The following CACNA1S variants were observed in gnomAD, a reference collection of about 807,000 sequenced individuals.
CACNA1S encodes the protein voltage-dependent L-type calcium channel subunit alpha-1S.
In CACNA1S, 126 loss-of-function variants were observed where a neutral mutation model predicts 207.4. The observed-to-expected ratio is 0.61, with a 90% CI of 0.53 to 0.70. The LOEUF is 0.70. Ranked by LOEUF, CACNA1S falls within the 30% of genes least tolerant of loss-of-function variation. The probability of loss-of-function intolerance (pLI) is 0.00; values close to 1 mark genes in which losing one functional copy is unlikely to be tolerated. For synonymous variants in CACNA1S, 960 were observed against 932.7 expected (o/e 1.03, Z -0.53); for missense variants, 2,349 against 2,422.8 (o/e 0.97, Z 0.64).
Position 201,074,445 on chromosome 1 carries a change from G to T in CACNA1S, c.2063+61C>A, listed in dbSNP as rs1282153725. The T allele has an allele frequency of 4.8e-6, 5 of 1,033,422 alleles. No homozygotes were observed. In the East Asian group the frequency reaches 1.2e-4, roughly 25 times the overall value. The allele number at this position is 1,033,422 out of a possible 1,614,324, so 64.0% of individuals were successfully genotyped here. Reference sequence around the variant, plus strand: ...GGGTTACAGGGAGGCCCTGTCCAGAGCTGGAAGGCCATGGCCACGACTGAG... The same window carrying T: ...GGGTTACAGGGAGGCCCTGTCCAGATCTGGAAGGCCATGGCCACGACTGAG... On this transcript the variant is annotated intron_variant, in intron 14 of 43. Transcript: ENST00000362061.
intron 9 of CACNA1S, among the ~76,000 whole-genome samples, chr1:201,083,719 C>T (rs1271464803): frequency 6.6e-6 from 1 of 152,200 alleles, no homozygotes; most frequent in African/African-American, 2.4e-5. Context: ...TTTGACAGTA[C>T]AATCTTTTTG....
Position 201,070,215 on chromosome 1 carries a change from C to T in CACNA1S, c.2360+57G>A, listed in dbSNP as rs1661399290. ...GAGTCAGACAGGGTTTTTTCTAGGG[C>T]AGGGAAGCAGATGAGAGCCGCATCA... On this transcript the variant is annotated intron_variant, in intron 17 of 43. Coordinates refer to ENST00000362061, the MANE Select transcript of CACNA1S (RefSeq NM_000069.3). The T allele has an allele frequency of 6.9e-6, 11 of 1,598,318 alleles. No homozygotes were observed. In the South Asian group the frequency reaches 1.1e-4, roughly 16 times the overall value.
At chr1:201,075,723 C>T (rs1013441405) in intron 12 of CACNA1S, 108 bp from the exon 13 acceptor site, 8 of 1,260,130 alleles carry the variant, frequency 6.3e-6, no homozygotes, top group Non-Finnish European at 9.1e-6. Flanking sequence ...TCTCTCAGAC[C>T]TTCCCTCTTT....
intron 2 of CACNA1S, among the ~76,000 whole-genome samples, chr1:201,096,989 T>C (rs1455238307): frequency 6.6e-6 from 1 of 152,156 alleles, no homozygotes; most frequent in African/African-American, 2.4e-5. Flanking sequence ...ATAAACCTGC[T>C]CTTTTTCATG....
chr1:201,112,082 G>T, intron 1 of CACNA1S, 106 bp downstream of exon 1: 1 of 1,127,536 alleles, frequency 8.9e-7, no homozygotes, highest in Non-Finnish European at 1.3e-6. Context: ...ATGTCTAAGT[G>T]CCAGGCCTCC....
chr1:201,065,880 G>A lies in CACNA1S; in HGVS notation c.2811C>T (p.Leu937=). 1 of 1,614,164 alleles carries A rather than the reference G, an allele frequency of 6.2e-7. No individual in the cohort carries two copies. Among genetic ancestry groups the A allele is most frequent in the Non-Finnish European group, 8.5e-7 (1 of 1,179,984 alleles). The part of the protein sequence containing the change: ...TIGNIVLVTT[L]LQFMFACIGV... ...CGATGCAGGCAAACATGAACTGTAG[G>A]AGGGTAGTGACCAGCACGATGTTCC... The change falls in exon 22 of 44, where the codon CTC becomes CTT. Residue 937 remains leucine (L), a synonymous_variant. Coordinates refer to ENST00000362061, the MANE Select transcript of CACNA1S (RefSeq NM_000069.3).
rs1245795808 is a variant in CACNA1S at position 201,069,640 on chromosome 1, C to A, written c.2361-39G>T. 2.6e-6 allele frequency: 4 copies of A among 1,549,278 alleles called. No individual in the cohort carries two copies. The East Asian group carries it at 7.3e-5, about 28-fold the overall frequency. On this transcript the variant is annotated intron_variant, in intron 17 of 43. Transcript: ENST00000362061. ...GTAGGGAGGGCAGGGGAGCTGTGAG[C>A]TGCTGGAGGCTCAGGCCTCATCAGC...
At position 201,053,459 on chromosome 1, in the gene CACNA1S, C is replaced by A. The variant is rs201627041; in HGVS notation, c.3795G>T (p.Gln1265His). 3.4e-5 allele frequency: 55 copies of A among 1,614,018 alleles called. No homozygotes were observed. The highest frequency in any genetic ancestry group is 4.2e-5 in the Non-Finnish European group (50 of 1,180,030). ...TLLWTFIKSF[Q>H]ALPYVALLIV... ...GCAGTTTCCAGGGTCCCTGTTGCAC[C>A]TGGAAGGACTTGATGAACGTCCACA... The change falls in exon 30 of 44, where the codon CAG becomes CAT. Residue 1265 changes from glutamine to histidine, a missense_variant and splice_region_variant. Physicochemically the swap from Gln to His is conservative, Grantham distance 24. Coordinates refer to ENST00000362061, the MANE Select transcript of CACNA1S (RefSeq NM_000069.3). The surrounding 1 kb of genome is among the most constrained non-coding windows in gnomAD (Gnocchi z 5.1).
chr1:201,051,249 T>A, intron 32 of CACNA1S, 106 bp from the exon 33 acceptor site: 1 of 1,048,588 alleles, frequency 9.5e-7, no homozygotes, highest in Non-Finnish European at 1.5e-6. Context: ...AAACTGGGGC[T>A]GTTGTCCAAT....
At chr1:201,105,324 T>C (rs1662837721) in intron 2 of CACNA1S, among the ~76,000 whole-genome samples, 1 of 152,212 alleles carries the variant, frequency 6.6e-6, no homozygotes, top group African/African-American at 2.4e-5. Flanking sequence ...TCAAAGTTCC[T>C]TCTGTTGATA....
Position 201,091,498 on chromosome 1 carries a change from T to G in CACNA1S, c.694+142A>C, listed in dbSNP as rs1215504624. On this transcript the variant is annotated intron_variant, in intron 5 of 43. Transcript: ENST00000362061. ...AGCTGCCCTTCCTCCAAGTCCCCCT[T>G]ATCCAGGAGAAACCCATTCTCAAGG... The G allele has an allele frequency of 3.2e-6, 3 of 939,564 alleles. No individual in the cohort carries two copies. The African/African-American group carries it at 4.8e-5, about 15-fold the overall frequency. The allele number at this position is 939,564 out of a possible 1,614,324, so 58.2% of individuals were successfully genotyped here.
At chr1:201,084,204 A>G (rs931341591) in intron 9 of CACNA1S, among the ~76,000 whole-genome samples, 1 of 152,204 alleles carries the variant, frequency 6.6e-6, no homozygotes, top group Non-Finnish European at 1.5e-5. Context: ...GCAACACCTC[A>G]TATGTGCTAG....
chr1:201,105,394 A>G (rs1445601917), intron 2 of CACNA1S, among the ~76,000 whole-genome samples: 4 of 152,198 alleles, frequency 2.6e-5, no homozygotes, highest in Admixed American at 6.5e-5. Flanking sequence ...CAAGTATACA[A>G]TATCATCCCC....
intron 22 of CACNA1S, 29 bp from the exon 23 acceptor site, chr1:201,062,543 G>T (rs767018896): frequency 1.3e-6 from 2 of 1,596,682 alleles, no homozygotes; most frequent in South Asian, 1.1e-5. Context: ...AGGGAGGGAG[G>T]GAGGCATGTT....
rs549604359 is a variant in CACNA1S at position 201,107,583 on chromosome 1, A to G, written c.258+2581T>C. The stretch of plus-strand genomic sequence containing the variant: ...ATTCGTTAAATGAATGAGAAAGGTC[A>G]TGAATAATTAAACCTTAGGCCTCCT... On this transcript the variant is annotated intron_variant, in intron 2 of 43. Coordinates refer to ENST00000362061, the MANE Select transcript of CACNA1S (RefSeq NM_000069.3). Among the ~76,000 whole-genome samples, 5 of 152,368 alleles carry G rather than the reference A, an allele frequency of 3.3e-5. No individual in the cohort carries two copies. The South Asian group carries it at 1.0e-3, about 32-fold the overall frequency.
At chr1:201,054,689 G>A in intron 28 of CACNA1S, 128 bp from the exon 29 acceptor site, 1 of 508,172 alleles carries the variant, frequency 2.0e-6, no homozygotes. Flanking sequence ...AAAGAGGCAG[G>A]GGCTAAAGAC....
rs141071505 is a variant in CACNA1S, at chr1:201,052,550, C to T, written c.3953+7G>A. The T allele has an allele frequency of 7.3e-4, 1,176 of 1,609,166 alleles. 8 individuals are homozygous for T. The African/African-American group carries it at 0.013, about 18-fold the overall frequency. On this transcript the variant is annotated splice_region_variant and intron_variant, in intron 32 of 43. Coordinates refer to ENST00000362061, the MANE Select transcript of CACNA1S (RefSeq NM_000069.3). Reference sequence around the variant, plus strand: ...GGGTAGGGGTGGGGGTGGCGGGAGACGCGTGCCTGAAGAGCAGTAGCACAG... The same window carrying T: ...GGGTAGGGGTGGGGGTGGCGGGAGATGCGTGCCTGAAGAGCAGTAGCACAG...
intron 38 of CACNA1S, 38 bp downstream of exon 38, chr1:201,047,077 T>G: frequency 6.2e-7 from 1 of 1,613,960 alleles, no homozygotes. Context: ...CCTGGCTCAG[T>G]GGGGGAGCCC....
intron 36 of CACNA1S, among the ~76,000 whole-genome samples, chr1:201,048,354 T>G (rs1572023947): frequency 1.3e-5 from 2 of 152,278 alleles, no homozygotes; most frequent in South Asian, 4.1e-4. Flanking sequence ...CAGACACAGC[T>G]GAGGAGTGTG....
Sources: allele counts gnomAD v4.1 joint callset (sites outside exome capture counted in the v4.1 genomes callset), GRCh38; gene constraint gnomAD v4.1.1; non-coding constraint Gnocchi (gnomAD v3.1); transcripts MANE v1.5; gene names NCBI Gene and HGNC (gene_info 2026-07-23, HGNC 2026-07-21).